HECW2: variants seen among roughly 807,000 people sequenced by gnomAD.
HECW2 encodes HECT, C2 and WW domain containing E3 ubiquitin protein ligase 2.
A neutral mutation model predicts 175.2 loss-of-function variants in HECW2; 61 were observed. The ratio of observed to expected loss-of-function variants is 0.35; its 90% CI spans 0.28 to 0.43. The LOEUF (loss-of-function observed/expected upper bound fraction) is 0.43, where lower values mean the gene tolerates loss of function less well. Ranked by LOEUF, HECW2 falls within the 20% of genes least tolerant of loss-of-function variation. The pLI is 1.00. For synonymous variants in HECW2, 671 were observed against 731.0 expected (o/e 0.92, Z 1.32); for missense variants, 1,524 against 2,000.5 (o/e 0.76, Z 4.54).
At chr2:196,400,199 C>T (rs1694780374) in intron 2 of HECW2, among the ~76,000 whole-genome samples, 1 of 152,184 alleles carries the variant, frequency 6.6e-6, no homozygotes, top group African/African-American at 2.4e-5. Flanking sequence ...CATGTGGTGC[C>T]TTTGCAGCCT....
At chr2:196,490,144 C>T (rs1198727277) in intron 1 of HECW2, among the ~76,000 whole-genome samples, 1 of 152,160 alleles carries the variant, frequency 6.6e-6, no homozygotes, top group Non-Finnish European at 1.5e-5. Flanking sequence ...AATTGCCCGG[C>T]AAACTCCATT....
intron 2 of HECW2, among the ~76,000 whole-genome samples, chr2:196,358,270 C>T (rs754154037): frequency 5.3e-5 from 8 of 152,184 alleles, no homozygotes; most frequent in Non-Finnish European, 7.4e-5. Flanking sequence ...GCTAAACATA[C>T]GAGTTTTAAA....
intron 14 of HECW2, among the ~76,000 whole-genome samples, chr2:196,281,038 A>G (rs1156908192): frequency 1.3e-5 from 2 of 152,162 alleles, no homozygotes; most frequent in Non-Finnish European, 2.9e-5. Context: ...GTGGTCATTA[A>G]CGGTACAATG....
intron 1 of HECW2, among the ~76,000 whole-genome samples, chr2:196,476,444 A>C (rs1686621513): frequency 6.8e-6 from 1 of 148,006 alleles, no homozygotes; most frequent in Admixed American, 6.7e-5. Context: ...CTCCATCTCA[A>C]AAAAAAAAAA....
chr2:196,473,875 T>C (rs1182408342), intron 1 of HECW2, among the ~76,000 whole-genome samples: 1 of 152,238 alleles, frequency 6.6e-6, no homozygotes, highest in Non-Finnish European at 1.5e-5. Context: ...GCTATTGATA[T>C]TCATTTTGGA....
chr2:196,308,361 C>T (rs769837903), intron 10 of HECW2, among the ~76,000 whole-genome samples: 1 of 152,122 alleles, frequency 6.6e-6, no homozygotes, highest in Non-Finnish European at 1.5e-5. Context: ...TCACCCTTCA[C>T]GTATGAGCCC....
At chr2:196,222,189 C>T (rs1249584648) in intron 24 of HECW2, 22 bp downstream of exon 24, 3 of 1,600,952 alleles carry the variant, frequency 1.9e-6, no homozygotes, top group South Asian at 1.1e-5. Flanking sequence ...CACTTAGGCG[C>T]CAGGTGTGCA....
chr2:196,202,974 A>G (rs1686920479), intron 28 of HECW2, among the ~76,000 whole-genome samples: 1 of 152,208 alleles, frequency 6.6e-6, no homozygotes, highest in East Asian at 1.9e-4. Flanking sequence ...TACCATATTT[A>G]CATAATTTGG....
At chr2:196,324,487 T>C (rs1182189013) in intron 6 of HECW2, among the ~76,000 whole-genome samples, 1 of 152,162 alleles carries the variant, frequency 6.6e-6, no homozygotes, top group Non-Finnish European at 1.5e-5. Flanking sequence ...ACTCTAGAAA[T>C]TCATAAAACA....
intron 1 of HECW2, among the ~76,000 whole-genome samples, chr2:196,542,265 GAAA>G (rs1181642124): frequency 1.1e-5 from 1 of 92,314 alleles, no homozygotes; most frequent in Non-Finnish European, 2.5e-5. Context: ...CTCTGTCTCA[GAAA>G]AAAAAAAAAA....
chr2:196,307,905 C>T (rs1344442053), intron 11 of HECW2, 30 bp downstream of exon 11: 2 of 1,477,592 alleles, frequency 1.4e-6, no homozygotes, highest in Non-Finnish European at 1.8e-6. Flanking sequence ...CCACAAAATA[C>T]AACAGTCACA....
intron 13 of HECW2, among the ~76,000 whole-genome samples, chr2:196,301,644 T>C (rs1691058145): frequency 1.3e-5 from 2 of 152,236 alleles, no homozygotes; most frequent in African/African-American, 2.4e-5. Flanking sequence ...TTGAGCTTTT[T>C]TTCATGTGTT....
At chr2:196,279,305 C>A (rs568145246) in intron 14 of HECW2, among the ~76,000 whole-genome samples, 4 of 152,184 alleles carry the variant, frequency 2.6e-5, no homozygotes, top group Non-Finnish European at 5.9e-5. Flanking sequence ...GCCTTGGCCT[C>A]CCAAAGTGCT....
At chr2:196,317,057 C>T (rs973228256) in intron 10 of HECW2, 52 of 489,818 alleles carry the variant, frequency 1.1e-4, no homozygotes, top group African/African-American at 7.4e-4. Flanking sequence ...ATGGGCAACA[C>T]AGGATTTACA....
At chr2:196,481,452 A>T (rs1018618568) in intron 1 of HECW2, among the ~76,000 whole-genome samples, 15 of 152,188 alleles carry the variant, frequency 9.9e-5, no homozygotes, top group African/African-American at 3.6e-4. Flanking sequence ...GCTCTGCCAC[A>T]TTGCAATATT....
At chr2:196,260,869 A>T (rs960052359) in intron 17 of HECW2, among the ~76,000 whole-genome samples, 1 of 152,246 alleles carries the variant, frequency 6.6e-6, no homozygotes, top group Non-Finnish European at 1.5e-5. Flanking sequence ...CATAAGCTCA[A>T]GCTCTGCAAG....
chr2:196,209,687 C>G (rs1687193815), intron 28 of HECW2, among the ~76,000 whole-genome samples: 1 of 151,930 alleles, frequency 6.6e-6, no homozygotes, highest in African/African-American at 2.4e-5. Flanking sequence ...CACCTCAGGG[C>G]AAATATAGAA....
chr2:196,317,271 C>T lies in HECW2; in HGVS notation c.2434+3G>A, dbSNP rs1343450756. The T allele has an allele frequency of 6.2e-7, 1 of 1,609,270 alleles. No individual in the cohort carries two copies. On this transcript the variant is annotated splice_donor_region_variant and intron_variant, in intron 10 of 28. Transcript: ENST00000644978. ...TGGGCCCTTTTAACTAACAGGTCCT[C>T]ACTTGGTGGGAGAGCCTCGTCCACC...
rs186382863 is a variant in HECW2, at chr2:196,425,703, C to A, written c.292+7429G>T. On this transcript the variant is annotated intron_variant, in intron 2 of 28. Transcript: ENST00000644978. ...ATAAAACTTGAATGGATAAGGAGTTCCTTCTTATGGGTGAGTAAAGAAAGT... is the reference window on the plus strand; with the variant it reads ...ATAAAACTTGAATGGATAAGGAGTTACTTCTTATGGGTGAGTAAAGAAAGT... Among the ~76,000 whole-genome samples, 133 of 152,172 alleles carry A rather than the reference C, an allele frequency of 8.7e-4. 1 individual carries two copies. The highest frequency in any genetic ancestry group is 3.1e-3 in the African/African-American group (128 of 41,528).
Sources: allele counts gnomAD v4.1 joint callset (sites outside exome capture counted in the v4.1 genomes callset), GRCh38; gene constraint gnomAD v4.1.1; transcripts MANE v1.5; gene names NCBI Gene and HGNC (gene_info 2026-07-23, HGNC 2026-07-21).